Variants in RUNX1 observed in about 807,000 individuals in gnomAD.
RUNX1 encodes the protein RUNX family transcription factor 1, also known as runt-related transcription factor 1.
Under a neutral mutation model 42.8 loss-of-function variants are expected in RUNX1, and 19 were observed. The ratio of observed to expected loss-of-function variants is 0.44; its 90% CI spans 0.31 to 0.65. The LOEUF is 0.65. RUNX1 is among the 30% of genes least tolerant of loss of function. The pLI is 0.07. For missense variants in RUNX1, 528 were observed against 672.0 expected (o/e 0.79, Z 2.37); for synonymous variants, 271 against 289.4 (o/e 0.94, Z 0.64).
At chr21:34,844,463 CCG>C (rs1329818173) in intron 6 of RUNX1, among the ~76,000 whole-genome samples, 1 of 152,196 alleles carries the variant, frequency 6.6e-6, no homozygotes, top group Non-Finnish European at 1.5e-5. Context: ...AGTTCCCCTC[CCG>C]CAGCAGCAGA....
chr21:34,795,238 A>G (rs2056509008), intron 8 of RUNX1, among the ~76,000 whole-genome samples: 2 of 152,190 alleles, frequency 1.3e-5, no homozygotes, highest in Non-Finnish European at 1.5e-5. Flanking sequence ...AAAGCTACCA[A>G]GGTGGATTAA....
chr21:34,843,823 CA>C lies in RUNX1; in HGVS notation c.614-9223del, dbSNP rs1395286471. On this transcript the variant is annotated intron_variant, in intron 6 of 8. Transcript: ENST00000675419. This position sits in a 1 kb window ranked among gnomAD's most constrained non-coding sequence, Gnocchi z 4.8. ...GGGCCTCTCCTAAAAGCAGAGCACT[CA>C]AAATCTAAATCTGCCATCCCCGGTC... Among the ~76,000 whole-genome samples the C allele has an allele frequency of 6.6e-6, 1 of 152,194 alleles. No individual in the cohort carries two copies. The highest frequency in any genetic ancestry group is 1.5e-5 in the Non-Finnish European group (1 of 68,032).
chr21:35,024,857 G>T (rs1293321509), intron 2 of RUNX1, among the ~76,000 whole-genome samples: 9 of 152,322 alleles, frequency 5.9e-5, no homozygotes, highest in South Asian at 2.1e-4. Flanking sequence ...TAGCCTCAAT[G>T]TCTGGAATAT....
intron 2 of RUNX1, among the ~76,000 whole-genome samples, chr21:35,033,205 A>G (rs1186789836): frequency 2.6e-5 from 4 of 152,150 alleles, no homozygotes; most frequent in Non-Finnish European, 5.9e-5. Context: ...GAGTGCCCAA[A>G]TTCTGCCAGT....
At chr21:34,903,604 C>T (rs539063226) in intron 2 of RUNX1, among the ~76,000 whole-genome samples, 15 of 152,286 alleles carry the variant, frequency 9.8e-5, no homozygotes, top group African/African-American at 3.6e-4. Context: ...CTCAGTCTTG[C>T]TTACAAGGTC....
chr21:34,940,223 C>T (rs1601592503), intron 2 of RUNX1, among the ~76,000 whole-genome samples: 1 of 152,064 alleles, frequency 6.6e-6, no homozygotes, highest in Non-Finnish European at 1.5e-5. Flanking sequence ...GATGGGGAAA[C>T]ATTAATGCTT....
At chr21:34,955,314 G>T (rs2058636720) in intron 2 of RUNX1, among the ~76,000 whole-genome samples, 1 of 151,972 alleles carries the variant, frequency 6.6e-6, no homozygotes, top group Non-Finnish European at 1.5e-5. Context: ...TGTGAGGATT[G>T]CATGAGACAA....
At chr21:35,035,913 C>T (rs1337815153) in intron 2 of RUNX1, among the ~76,000 whole-genome samples, 1 of 152,156 alleles carries the variant, frequency 6.6e-6, no homozygotes, top group Non-Finnish European at 1.5e-5. Context: ...ACTCCAACTG[C>T]TTCCATGTAA....
intron 2 of RUNX1, among the ~76,000 whole-genome samples, chr21:34,963,510 G>C (rs1455317578): frequency 6.6e-6 from 1 of 152,180 alleles, no homozygotes; most frequent in Non-Finnish European, 1.5e-5. Context: ...AATATGATGT[G>C]AGCTGGTTGC....
Position 34,998,040 on chromosome 21 carries a change from C to T in RUNX1, c.58+50802G>A, listed in dbSNP as rs577690540. ...CCCCATCTCCCTTGCCTCTGCCTTG[C>T]CCTGGTGACATTATCTAGACATCTA... On this transcript the variant is annotated intron_variant, in intron 2 of 8. Coordinates refer to ENST00000675419, the MANE Select transcript of RUNX1 (RefSeq NM_001754.5). Among the ~76,000 whole-genome samples, 31 of 152,306 alleles carry T rather than the reference C, an allele frequency of 2.0e-4. 1 individual carries two copies. The South Asian group carries it at 3.7e-3, about 18-fold the overall frequency.
chr21:35,027,503 C>G (rs761830622), intron 2 of RUNX1, among the ~76,000 whole-genome samples: 4 of 152,196 alleles, frequency 2.6e-5, no homozygotes, highest in Non-Finnish European at 4.4e-5. Flanking sequence ...ATATTTAAAC[C>G]AAGCTGTATT....
chr21:34,948,469 A>G (rs1569119522), intron 2 of RUNX1, among the ~76,000 whole-genome samples: 1 of 152,202 alleles, frequency 6.6e-6, no homozygotes, highest in Non-Finnish European at 1.5e-5. Flanking sequence ...TTCTCAGAAG[A>G]GGTCCAAGGT....
At chr21:34,962,435 C>A (rs1162488310) in intron 2 of RUNX1, among the ~76,000 whole-genome samples, 1 of 152,174 alleles carries the variant, frequency 6.6e-6, no homozygotes, top group Non-Finnish European at 1.5e-5. Context: ...TAACTCTTCC[C>A]TTTTGCTAGC....
chr21:34,796,809 GA>G (rs964569302), intron 8 of RUNX1, among the ~76,000 whole-genome samples: 6 of 148,676 alleles, frequency 4.0e-5, no homozygotes, highest in African/African-American at 1.5e-4. Context: ...TTTTGAAAAA[GA>G]AAAAAAAAAG....
intron 3 of RUNX1, among the ~76,000 whole-genome samples, chr21:34,888,879 A>G (rs907074028): frequency 6.6e-6 from 1 of 151,222 alleles, no homozygotes; most frequent in African/African-American, 2.4e-5. Flanking sequence ...GCCGCGCGCT[A>G]CTGTACGCAG....
chr21:34,874,123 T>TTC (rs3831803), intron 5 of RUNX1, among the ~76,000 whole-genome samples: 4,416 of 144,980 alleles, frequency 0.03, 143 homozygotes, highest in Middle Eastern at 0.1. Flanking sequence ...GATATTCTCA[T>TTC]TCTCTCTCTC....
At chr21:34,828,513 G>C (rs1287094724) in intron 7 of RUNX1, among the ~76,000 whole-genome samples, 1 of 152,142 alleles carries the variant, frequency 6.6e-6, no homozygotes, top group East Asian at 1.9e-4. Flanking sequence ...GGGACCACTG[G>C]GATGGAATAA....
At chr21:34,951,106 C>T (rs1449209411) in intron 2 of RUNX1, among the ~76,000 whole-genome samples, 1 of 152,192 alleles carries the variant, frequency 6.6e-6, no homozygotes, top group Non-Finnish European at 1.5e-5. Context: ...GAGTGTTAGA[C>T]ATATCCTTGC....
intron 4 of RUNX1, among the ~76,000 whole-genome samples, chr21:34,881,884 A>G (rs2057910723): frequency 1.3e-5 from 2 of 152,200 alleles, no homozygotes; most frequent in South Asian, 4.1e-4. Flanking sequence ...CTTTGTTTCT[A>G]TTTTTCAAAG....
Sources: allele counts gnomAD v4.1 joint callset (sites outside exome capture counted in the v4.1 genomes callset), GRCh38; gene constraint gnomAD v4.1.1; non-coding constraint Gnocchi (gnomAD v3.1); transcripts MANE v1.5; gene names NCBI Gene and HGNC (gene_info 2026-07-23, HGNC 2026-07-21).